Variants in CYFIP1 observed in about 807,000 individuals in gnomAD.
CYFIP1 encodes the protein cytoplasmic FMR1-interacting protein 1.
CYFIP1 carries 58 observed loss-of-function variants against 163.5 expected under a neutral mutation model. That is an observed-to-expected ratio of 0.35 (90% confidence interval 0.29 to 0.44). The LOEUF (loss-of-function observed/expected upper bound fraction) is 0.44, where lower values mean the gene tolerates loss of function less well. CYFIP1 is among the 20% of genes least tolerant of loss of function. The pLI is 1.00. For synonymous variants in CYFIP1, 663 were observed against 660.7 expected (o/e 1.00, Z -0.05); for missense variants, 1,338 against 1,653.8 (o/e 0.81, Z 3.31).
chr15:22,914,649 C>T lies in CYFIP1; in HGVS notation c.1985+77G>A, dbSNP rs73410347. 1.8e-4 allele frequency: 262 copies of T among 1,447,810 alleles called. No individual in the cohort carries two copies. The African/African-American group carries it at 2.7e-3, about 15-fold the overall frequency. 89.7% of individuals were successfully genotyped at this position (1,447,810 alleles called of 1,614,324 possible). A position where few individuals can be genotyped will look rare whatever the true frequency, so the allele number is the denominator to read the frequency against. The stretch of plus-strand genomic sequence containing the variant: ...TCAAATACAATACTAAAAACAGTCC[C>T]GGCCTCTCCGCCACCTCCTCTGAGG... On this transcript the variant is annotated intron_variant, in intron 17 of 30. Transcript: ENST00000617928.
intron 13 of CYFIP1, among the ~76,000 whole-genome samples, chr15:22,919,796 G>C (rs2061113931): frequency 1.3e-5 from 2 of 152,108 alleles, no homozygotes; most frequent in African/African-American, 4.8e-5. Context: ...GCTGAGGCGG[G>C]AGAATCACTT....
At chr15:22,958,164 C>A (rs773322771) in intron 1 of CYFIP1, among the ~76,000 whole-genome samples, 1 of 151,408 alleles carries the variant, frequency 6.6e-6, no homozygotes, top group Non-Finnish European at 1.5e-5. Flanking sequence ...CGGCTCACTG[C>A]AACCTCTGCC....
In CYFIP1 at chr15:22,944,894, T is replaced by TGTA. The variant is rs2062008039; in HGVS notation, c.250_252dup (p.Tyr84dup). 1 of 1,613,784 alleles carries TGTA rather than the reference T, an allele frequency of 6.2e-7. No individual in the cohort carries two copies. The highest frequency in any genetic ancestry group is 8.5e-7 in the Non-Finnish European group (1 of 1,179,990). On this transcript the variant is annotated inframe_insertion, in exon 4 of 31. Transcript: ENST00000617928. ...ATGGCCCGGGAGCAGCTCCTCCAGG[T>TGTA]GTACAGCATGACAGCATATTCTTGG... is the stretch of plus-strand genomic sequence containing the variant.
chr15:22,946,868 A>T (rs562354029), intron 3 of CYFIP1, 135 bp downstream of exon 3: 2 of 792,044 alleles, frequency 2.5e-6, no homozygotes, highest in Non-Finnish European at 4.4e-6. Flanking sequence ...TGTCTTAAAA[A>T]TATAAGGCAT....
At chr15:22,948,429 A>T (rs181083952) in intron 1 of CYFIP1, among the ~76,000 whole-genome samples, 16 of 152,324 alleles carry the variant, frequency 1.1e-4, no homozygotes, top group Admixed American at 1.0e-3. Flanking sequence ...ACTGAAGGCA[A>T]GTCAGAACCA....
chr15:22,971,950 A>G (rs111781940), intron 1 of CYFIP1, among the ~76,000 whole-genome samples: 14 of 145,778 alleles, frequency 9.6e-5, no homozygotes, highest in African/African-American at 2.7e-4. Context: ...CAATCTACAG[A>G]TTCAAAGCAA....
intron 23 of CYFIP1, among the ~76,000 whole-genome samples, chr15:22,884,468 C>T (rs567559214): frequency 6.6e-6 from 1 of 152,334 alleles, no homozygotes; most frequent in South Asian, 2.1e-4. Flanking sequence ...TCTCCTTTGA[C>T]TCCGTGTCTC....
chr15:22,915,003 G>T, intron 16 of CYFIP1, 121 bp from the exon 17 acceptor site: 1 of 1,061,456 alleles, frequency 9.4e-7, no homozygotes. Context: ...AAGCCATGCA[G>T]CATGGACATG....
chr15:22,908,187 G>T (rs1251999992), intron 21 of CYFIP1, among the ~76,000 whole-genome samples: 13 of 152,148 alleles, frequency 8.5e-5, no homozygotes. Context: ...ACAGCAGTGT[G>T]TGAAGACTCA....
chr15:22,933,614 T>C (rs893615553), intron 10 of CYFIP1, among the ~76,000 whole-genome samples, 188 bp downstream of exon 10: 1 of 152,054 alleles, frequency 6.6e-6, no homozygotes, highest in Non-Finnish European at 1.5e-5. Context: ...GCGCCCGGCC[T>C]CAATTGTATT....
chr15:22,867,475 TG>T lies in CYFIP1; in HGVS notation c.*2552del. 3.1e-6 allele frequency: 1 copy of T among 321,994 alleles called. No individual in the cohort carries two copies. The highest frequency in any genetic ancestry group is 5.6e-6 in the Non-Finnish European group (1 of 179,388). The allele number at this position is 321,994 out of a possible 1,614,324, so 19.9% of individuals were successfully genotyped here. A position where few individuals can be genotyped will look rare whatever the true frequency, so the allele number is the denominator to read the frequency against. ...AATCCGGCTTCCTCTGAGCATTCGATGGCCTTAGCACCTCATCAAGCCAGCA... is the reference window on the plus strand; with the variant it reads ...AATCCGGCTTCCTCTGAGCATTCGATGCCTTAGCACCTCATCAAGCCAGCA... On this transcript the variant is annotated 3_prime_UTR_variant, in exon 31 of 31. Coordinates refer to ENST00000617928, the MANE Select transcript of CYFIP1 (RefSeq NM_014608.6).
intron 1 of CYFIP1, among the ~76,000 whole-genome samples, chr15:22,969,612 C>T (rs2063021049): frequency 6.6e-6 from 1 of 152,068 alleles, no homozygotes. Flanking sequence ...GGATATAAGA[C>T]ATAAAGAGAA....
intron 21 of CYFIP1, among the ~76,000 whole-genome samples, chr15:22,907,620 C>T (rs536291024): frequency 1.1e-4 from 17 of 152,320 alleles, no homozygotes; most frequent in African/African-American, 3.6e-4. Context: ...TGGAAACGGA[C>T]GTGTGGCCAT....
chr15:22,944,633 T>C lies in CYFIP1; in HGVS notation c.312A>G (p.Arg104=). ...PQVKCNEQPN[R]VEIYEKTVEV... is the part of the protein sequence containing the mutation. ...CCACGGTTTTCTCGTAGATTTCCACTCTGTTAGGCTGCTCGTTACATTTCA... is the reference window on the plus strand; with the variant it reads ...CCACGGTTTTCTCGTAGATTTCCACCCTGTTAGGCTGCTCGTTACATTTCA... Residue 104 remains arginine (R), a synonymous_variant, in exon 5 of 31, where the codon AGA becomes AGG. Transcript: ENST00000617928. The C allele has an allele frequency of 6.2e-7, 1 of 1,613,896 alleles. No individual in the cohort carries two copies. Among genetic ancestry groups the C allele is most frequent in the Non-Finnish European group, 8.5e-7 (1 of 1,179,790 alleles).
Position 22,870,177 on chromosome 15 carries a change from C to T in CYFIP1, c.3613G>A (p.Val1205Met), listed in dbSNP as rs551215294. 1.9e-6 allele frequency: 3 copies of T among 1,609,718 alleles called. No individual in the cohort carries two copies. Among genetic ancestry groups the T allele is most frequent in the East Asian group, 2.2e-5 (1 of 44,502 alleles). Residue 1205 changes from valine (V) to methionine (M), a missense_variant, in exon 31 of 31, where the codon GTG becomes ATG. Val to Met is a conservative substitution (Grantham distance 21). Around this residue, in one of 4 missense-constraint regions of CYFIP1, gnomAD observed 306 missense variants for 322.1 expected, o/e 0.95. Transcript: ENST00000617928. Reference sequence around the variant, plus strand: ...ATCTGGAACTTGCGAATTCTCTCCACCATCTTCTTCAAAGGCTACAACCAT... The same window carrying T: ...ATCTGGAACTTGCGAATTCTCTCCATCATCTTCTTCAAAGGCTACAACCAT... Reference protein sequence around the residue: ...IIKNVPLKKMVERIRKFQILN... With the variant: ...IIKNVPLKKMMERIRKFQILN...
In CYFIP1 at chr15:22,926,081, G is replaced by A. The variant is rs757864225; in HGVS notation, c.1260C>T (p.Thr420=). The A allele has an allele frequency of 4.6e-5, 75 of 1,614,042 alleles. No individual in the cohort carries two copies. The highest frequency in any genetic ancestry group is 5.3e-5 in the Non-Finnish European group (62 of 1,180,030). ...EVYSWKLVHP[T]DKYSNKDCPD... ...GGCAGTCCTTGTTGGAGTACTTGTC[G>A]GTGGGGTGCACAAGCTTCCAGGAAT... Residue 420 remains threonine, a synonymous_variant, in exon 13 of 31, where the codon ACC becomes ACT. Transcript: ENST00000617928.
Position 22,939,519 on chromosome 15 carries a change from A to G in CYFIP1, c.570-12T>C, listed in dbSNP as rs1464073354. The G allele has an allele frequency of 1.2e-6, 2 of 1,607,020 alleles. No individual in the cohort carries two copies. The highest frequency in any genetic ancestry group is 1.7e-6 in the Non-Finnish European group (2 of 1,175,748). On this transcript the variant is annotated splice_polypyrimidine_tract_variant and intron_variant, in intron 6 of 30. Transcript: ENST00000617928. ...AAAACTGAGCGGCCCTTTGAAAACA[A>G]AAAGAATTCATCCCAAAATGCACCA...
chr15:22,901,918 C>T (rs569902616), intron 22 of CYFIP1, among the ~76,000 whole-genome samples: 2 of 152,308 alleles, frequency 1.3e-5, no homozygotes, highest in East Asian at 1.9e-4. Flanking sequence ...CCAACACTCA[C>T]GGAAGGTGGA....
At chr15:22,978,887 A>C (rs2063371554) in intron 1 of CYFIP1, among the ~76,000 whole-genome samples, 1 of 152,136 alleles carries the variant, frequency 6.6e-6, no homozygotes, top group Admixed American at 6.6e-5. Context: ...AGCGGGGAGG[A>C]GAGAGGCTGC....
Sources: gnomAD v4.1 joint callset for allele counts (sites outside exome capture counted in the v4.1 genomes callset) on GRCh38, gnomAD v4.1.1 for gene constraint, gnomAD v4.1.1 regional missense constraint, MANE v1.5 for transcripts, NCBI Gene and HGNC (gene_info 2026-07-23, HGNC 2026-07-21) for gene names.